SPEN: variants seen among roughly 807,000 people sequenced by gnomAD.
The protein encoded by SPEN is spen family transcriptional repressor, also known as msx2-interacting protein.
SPEN carries 18 observed loss-of-function variants against 269.9 expected under a neutral mutation model. The ratio of observed to expected loss-of-function variants is 0.07; its 90% CI spans 0.05 to 0.10. The LOEUF is 0.10. SPEN is among the 10% of genes least tolerant of loss of function. The pLI, the probability that SPEN is intolerant of heterozygous loss-of-function variation, is 1.00. For missense variants in SPEN, 3,822 were observed against 4,631.2 expected (o/e 0.83, Z 5.07); for synonymous variants, 1,726 against 1,765.7 (o/e 0.98, Z 0.56).
At position 15,937,436 on chromosome 1, in the gene SPEN, C is replaced by T. The variant is rs1553180358; in HGVS notation, c.10300C>T (p.Pro3434Ser). 6 of 1,613,832 alleles carry T rather than the reference C, an allele frequency of 3.7e-6. No homozygotes were observed. The highest frequency in any genetic ancestry group is 5.1e-6 in the Non-Finnish European group (6 of 1,180,028). The change falls in exon 12 of 15, where the codon CCT (proline) becomes TCT (serine). Residue 3434 changes from proline to serine, a missense_variant. Coordinates refer to ENST00000375759, the MANE Select transcript of SPEN (RefSeq NM_015001.3). This position sits in a 1 kb window ranked among gnomAD's most constrained non-coding sequence, Gnocchi z 5.7. ...AACAGGCCCGACTTCCTTCCCCTCCCCTGTGTCTGTCTCCATGAAGCCTGA... is the reference window on the plus strand; with the variant it reads ...AACAGGCCCGACTTCCTTCCCCTCCTCTGTGTCTGTCTCCATGAAGCCTGA... The part of the protein sequence containing the change: ...AETGPTSFPS[P>S]VSVSMKPDLP...
Position 15,929,861 on chromosome 1 carries a change from C to T in SPEN, c.3621C>T (p.Leu1207=), listed in dbSNP as rs746872290. The T allele has an allele frequency of 4.8e-5, 77 of 1,614,056 alleles. No individual in the cohort carries two copies. Among genetic ancestry groups the T allele is most frequent in the Middle Eastern group, 1.6e-4 (1 of 6,082 alleles). ...KDVDEYERRS[L]VHEVGKPPQD... ...TAGATGAATATGAAAGACGTAGCCT[C>T]GTTCACGAGGTAGGCAAACCCCCTC... The change falls in exon 11 of 15, where the codon CTC becomes CTT. Residue 1207 remains leucine, a synonymous_variant. Coordinates refer to ENST00000375759, the MANE Select transcript of SPEN (RefSeq NM_015001.3). This position sits in a 1 kb window ranked among gnomAD's most constrained non-coding sequence, Gnocchi z 5.8.
chr1:15,933,001 A>G lies in SPEN; in HGVS notation c.6761A>G (p.Gln2254Arg). The G allele has an allele frequency of 6.2e-7, 1 of 1,614,152 alleles. No homozygotes were observed. The highest frequency in any genetic ancestry group is 8.5e-7 in the Non-Finnish European group (1 of 1,179,986). Residue 2254 changes from glutamine (Q) to arginine (R), a missense_variant, in exon 11 of 15, where the codon CAG becomes CGG. Gln to Arg is a conservative substitution (Grantham distance 43). Transcript: ENST00000375759. The surrounding 1 kb of genome is among the most constrained non-coding windows in gnomAD (Gnocchi z 5.7). ...GATCTGCAACCCCCCGCAGGTGCAC[A>G]GGCGCTGCAGCCTTCTGAGGAAGGA... ...QTDLQPPAGA[Q>R]ALQPSEEGME...
chr1:15,873,952 T>C, intron 2 of SPEN: 1 of 1,179,794 alleles, frequency 8.5e-7, no homozygotes, highest in Non-Finnish European at 1.1e-6. Flanking sequence ...TTTGAACACA[T>C]GGTGATGATC....
intron 1 of SPEN, among the ~76,000 whole-genome samples, chr1:15,859,924 T>TTTTTTTTTTTA: frequency 7.4e-6 from 1 of 134,798 alleles, no homozygotes; most frequent in African/African-American, 2.9e-5. Flanking sequence ...TTTTTTTTTT[T>TTTTTTTTTTTA]TTTTTGAGAC....
Position 15,847,891 on chromosome 1 carries a change from C to G in SPEN, c.-177C>G. The stretch of plus-strand genomic sequence containing the variant: ...AGCTGCGAGGCCCGAGAGTCAGAAC[C>G]TGGGGGAGAGGGATGGTCTCTGCAC... On this transcript the variant is annotated 5_prime_UTR_variant, in exon 1 of 15. Coordinates refer to ENST00000375759, the MANE Select transcript of SPEN (RefSeq NM_015001.3). 6.8e-6 allele frequency: 2 copies of G among 295,822 alleles called. No homozygotes were observed. The highest frequency in any genetic ancestry group is 1.3e-5 in the Non-Finnish European group (2 of 157,730). 18.3% of individuals were successfully genotyped at this position (295,822 alleles called of 1,614,324 possible). A position where few individuals can be genotyped will look rare whatever the true frequency, so the allele number is the denominator to read the frequency against.
At chr1:15,904,262 G>A (rs2070930786) in intron 3 of SPEN, among the ~76,000 whole-genome samples, 1 of 151,578 alleles carries the variant, frequency 6.6e-6, no homozygotes, top group Admixed American at 6.6e-5. Context: ...TGGATTACTT[G>A]AGGTCAGGAG....
chr1:15,867,100 C>T (rs543189401), intron 1 of SPEN, among the ~76,000 whole-genome samples: 2 of 152,292 alleles, frequency 1.3e-5, no homozygotes, highest in Non-Finnish European at 2.9e-5. Context: ...AGAATAGTTT[C>T]ATCACCCCAG....
At position 15,920,889 on chromosome 1, in the gene SPEN, A is replaced by G; in HGVS notation, c.1655A>G (p.Lys552Arg). ...PVVKVVFDRL[K>R]GMALVLYNEI... ...TTACAGGTGGTGTTTGACCGCTTAA[A>G]AGGCATGGCCCTGGTTCTCTACAAT... The change falls in exon 9 of 15, where the codon AAA (lysine) becomes AGA (arginine). Residue 552 changes from lysine (K) to arginine (R), a missense_variant. This residue lies in a region of SPEN where 230 missense variants were observed against 426.1 expected (regional missense o/e 0.54). Coordinates refer to ENST00000375759, the MANE Select transcript of SPEN (RefSeq NM_015001.3). 1 of 1,609,512 alleles carries G rather than the reference A, an allele frequency of 6.2e-7. No homozygotes were observed.
At position 15,928,053 on chromosome 1, in the gene SPEN, G is replaced by A; in HGVS notation, c.1851-38G>A. Reference sequence around the variant, plus strand: ...TATGATTTTATGCATAAGTGATGAGGAAACAAAAGAACTAATATCTTTGTT... The same window carrying A: ...TATGATTTTATGCATAAGTGATGAGAAAACAAAAGAACTAATATCTTTGTT... On this transcript the variant is annotated intron_variant, in intron 10 of 14. Transcript: ENST00000375759. This position sits in a 1 kb window ranked among gnomAD's most constrained non-coding sequence, Gnocchi z 5.7. The A allele has an allele frequency of 6.6e-7, 1 of 1,525,674 alleles. No homozygotes were observed. The highest frequency in any genetic ancestry group is 8.9e-7 in the Non-Finnish European group (1 of 1,128,490). 94.5% of individuals were successfully genotyped at this position (1,525,674 alleles called of 1,614,324 possible).
chr1:15,862,595 C>T (rs1256671059), intron 1 of SPEN, among the ~76,000 whole-genome samples: 1 of 152,142 alleles, frequency 6.6e-6, no homozygotes, highest in Non-Finnish European at 1.5e-5. Flanking sequence ...ATTTGACAAT[C>T]TTTTGAGAGG....
rs2070632436 is a variant in SPEN at position 15,876,543 on chromosome 1, A to G, written c.746A>G (p.Gln249Arg). Residue 249 changes from glutamine to arginine, a missense_variant, in exon 3 of 15, where the codon CAG (glutamine) becomes CGG (arginine). Physicochemically the swap from Gln to Arg is conservative, Grantham distance 43. This residue lies in a region of SPEN where 327 missense variants were observed against 350.8 expected (regional missense o/e 0.93). Coordinates refer to ENST00000375759, the MANE Select transcript of SPEN (RefSeq NM_015001.3). ...AGGAGTCGGTCACCACATTCATCCC[A>G]GTCTAGAAATCAGTCTCCTCAGAGA... is the stretch of plus-strand genomic sequence containing the variant. Reference protein sequence around the residue: ...HSRSRSPHSSQSRNQSPQRLA... With the variant: ...HSRSRSPHSSRSRNQSPQRLA... 6.2e-7 allele frequency: 1 copy of G among 1,614,160 alleles called. No individual in the cohort carries two copies. The highest frequency in any genetic ancestry group is 1.6e-4 in the Middle Eastern group (1 of 6,062).
intron 1 of SPEN, among the ~76,000 whole-genome samples, chr1:15,850,835 A>C (rs771083981): frequency 7.9e-5 from 12 of 152,380 alleles, no homozygotes; most frequent in Non-Finnish European, 1.6e-4. Context: ...TACAAATCAG[A>C]ATGAGAAAAA....
intron 9 of SPEN, among the ~76,000 whole-genome samples, chr1:15,921,543 G>T (rs1431112990): frequency 6.6e-6 from 1 of 152,086 alleles, no homozygotes; most frequent in African/African-American, 2.4e-5. Flanking sequence ...CTCAGTGTTC[G>T]GGTGCTGATG....
In SPEN at chr1:15,932,974, C is replaced by G; in HGVS notation, c.6734C>G (p.Thr2245Arg). 1.2e-6 allele frequency: 2 copies of G among 1,614,204 alleles called. No individual in the cohort carries two copies. Among genetic ancestry groups the G allele is most frequent in the Non-Finnish European group, 1.7e-6 (2 of 1,180,028 alleles). ...CCACCTTATCCTGGAGAATCCCAGA[C>G]AGATCTGCAACCCCCCGCAGGTGCA... Reference protein sequence around the residue: ...APPPYPGESQTDLQPPAGAQA... With the variant: ...APPPYPGESQRDLQPPAGAQA... The change falls in exon 11 of 15, where the codon ACA becomes AGA. Residue 2245 changes from threonine (T) to arginine (R), a missense_variant. Transcript: ENST00000375759. The surrounding 1 kb of genome is among the most constrained non-coding windows in gnomAD (Gnocchi z 4.2).
chr1:15,872,787 A>G (rs1191761668), intron 1 of SPEN, 29 bp from the exon 2 acceptor site: 2 of 1,462,614 alleles, frequency 1.4e-6, no homozygotes, highest in African/African-American at 2.8e-5. Flanking sequence ...ATTGATATGC[A>G]GCAATAACGT....
At chr1:15,900,417 A>T (rs1442113224) in intron 3 of SPEN, among the ~76,000 whole-genome samples, 2 of 152,202 alleles carry the variant, frequency 1.3e-5, no homozygotes, top group Non-Finnish European at 2.9e-5. Context: ...AATATTGTAT[A>T]TATTTTACTT....
intron 5 of SPEN, among the ~76,000 whole-genome samples, chr1:15,913,283 C>G (rs1228663383): frequency 6.6e-6 from 1 of 152,144 alleles, no homozygotes; most frequent in Non-Finnish European, 1.5e-5. Context: ...GCATTACAAT[C>G]CCCTAAACAT....
intron 10 of SPEN, among the ~76,000 whole-genome samples, chr1:15,926,413 A>ACG (rs71003219): frequency 6.6e-6 from 1 of 150,414 alleles, no homozygotes; most frequent in South Asian, 2.1e-4. Context: ...ACACACACAC[A>ACG]TTTATAAATA....
At chr1:15,864,709 G>A (rs1557736071) in intron 1 of SPEN, among the ~76,000 whole-genome samples, 2 of 148,272 alleles carry the variant, frequency 1.3e-5, no homozygotes, top group South Asian at 2.2e-4. Flanking sequence ...TACTGGGCTC[G>A]AGCTCCCGTC....
Sources: gnomAD v4.1 joint callset for allele counts (sites outside exome capture counted in the v4.1 genomes callset) on GRCh38, gnomAD v4.1.1 for gene constraint, gnomAD v4.1.1 regional missense constraint, Gnocchi (gnomAD v3.1) non-coding constraint, MANE v1.5 for transcripts, NCBI Gene and HGNC (gene_info 2026-07-23, HGNC 2026-07-21) for gene names.